Variants in TRIM39 observed in about 807,000 individuals in gnomAD.
TRIM39 encodes E3 ubiquitin-protein ligase TRIM39.
In TRIM39, 5 loss-of-function variants were observed where a neutral mutation model predicts 53.6. That is an observed-to-expected ratio of 0.09 (90% confidence interval 0.05 to 0.20). TRIM39 has a LOEUF of 0.20. TRIM39 is among the 10% of genes least tolerant of loss of function. The probability of loss-of-function intolerance (pLI) is 1.00; values close to 1 mark genes in which losing one functional copy is unlikely to be tolerated. For missense variants in TRIM39, 310 were observed against 621.0 expected, an observed-to-expected ratio of 0.50 and a Z score of 5.32; for synonymous variants, 196 against 237.6, an observed-to-expected ratio of 0.82 and a Z score of 1.61.
chr6:30,334,000 A>AAC (rs149092381), intron 4 of TRIM39, among the ~76,000 whole-genome samples: 7,173 of 152,252 alleles, frequency 0.047, 196 homozygotes, highest in Middle Eastern at 0.075. Flanking sequence ...CACATGTGCA[A>AAC]ACACACACAC....
chr6:30,329,295 C>T lies in TRIM39; in HGVS notation c.-7-16C>T, dbSNP rs886870099. 6.3e-7 allele frequency: 1 copy of T among 1,595,068 alleles called. No homozygotes were observed. Among genetic ancestry groups the T allele is most frequent in the African/African-American group, 1.4e-5 (1 of 73,900 alleles). The stretch of plus-strand genomic sequence containing the variant: ...TTAATATTTTTATTTTCTCTGTCCT[C>T]TTCCCCACTCCCAAGTTAAATTATG... On this transcript the variant is annotated splice_polypyrimidine_tract_variant and intron_variant, in intron 2 of 7. Transcript: ENST00000396551.
chr6:30,329,100 A>T (rs1011829255), intron 2 of TRIM39, 59 bp downstream of exon 2: 18 of 577,378 alleles, frequency 3.1e-5, no homozygotes, highest in Non-Finnish European at 4.7e-5. Context: ...AAGAAAAAAA[A>T]GGTTGATGGC....
chr6:30,342,363 T>A lies in TRIM39; in HGVS notation c.*104T>A. 1 of 1,230,524 alleles carries A rather than the reference T, an allele frequency of 8.1e-7. No individual in the cohort carries two copies. Among genetic ancestry groups the A allele is most frequent in the Non-Finnish European group, 1.1e-6 (1 of 869,906 alleles). 76.2% of individuals were successfully genotyped at this position (1,230,524 alleles called of 1,614,324 possible). ...CTTCGTGTCCACCTGGGTCCAGTCC[T>A]GAATCATCTTGGAGAAACACCTTGG... is the stretch of plus-strand genomic sequence containing the variant. On this transcript the variant is annotated 3_prime_UTR_variant, in exon 8 of 8. Transcript: ENST00000396551. The surrounding 1 kb of genome is among the most constrained non-coding windows in gnomAD (Gnocchi z 4.7).
At chr6:30,341,764 G>A in exon 8 of TRIM39, 1 of 1,612,986 alleles carries the variant, frequency 6.2e-7, no homozygotes, top group Non-Finnish European at 8.5e-7. Flanking sequence ...TCCTGTCAGA[G>A]GATCGTAAGA....
In TRIM39 at chr6:30,339,154, C is replaced by G. The variant is rs3129839; in HGVS notation, c.781-754C>G. Among the ~76,000 whole-genome samples, 7,440 of 151,362 alleles carry G rather than the reference C, an allele frequency of 0.049. 257 individuals carry two copies. The highest frequency in any genetic ancestry group is 0.1 in the Middle Eastern group (30 of 292). ...CACAGTTATTAATGTGTTTATTCTTCCTTTTTTTTTTTTCTGAGAGAGTCT... is the reference window on the plus strand; with the variant it reads ...CACAGTTATTAATGTGTTTATTCTTGCTTTTTTTTTTTTCTGAGAGAGTCT... On this transcript the variant is annotated intron_variant, in intron 5 of 7. Coordinates refer to ENST00000396551, the Ensembl canonical transcript of TRIM39. This position sits in a 1 kb window ranked among gnomAD's most constrained non-coding sequence, Gnocchi z 4.2.
chr6:30,329,662 C>A, exon 3 of TRIM39: 2 of 1,613,082 alleles, frequency 1.2e-6, no homozygotes, highest in Non-Finnish European at 8.5e-7. Flanking sequence ...AGGCCCTCAG[C>A]CTTTTCTGTT....
chr6:30,335,656 T>C lies in TRIM39; in HGVS notation c.550-89T>C. 1.4e-6 allele frequency: 2 copies of C among 1,454,722 alleles called. No individual in the cohort carries two copies. Among genetic ancestry groups the C allele is most frequent in the Non-Finnish European group, 1.8e-6 (2 of 1,088,138 alleles). The allele number at this position is 1,454,722 out of a possible 1,614,324, so 90.1% of individuals were successfully genotyped here. ...ACCATTTTCAATGAAACTGGAAGTC[T>C]GTGTTAATTCATACATATGGTGGGT... On this transcript the variant is annotated intron_variant, in intron 4 of 7. Coordinates refer to ENST00000396551, the Ensembl canonical transcript of TRIM39. This position sits in a 1 kb window ranked among gnomAD's most constrained non-coding sequence, Gnocchi z 4.7.
intron 1 of TRIM39, among the ~76,000 whole-genome samples, chr6:30,328,334 A>AT (rs554144508): frequency 6.6e-6 from 1 of 152,242 alleles, no homozygotes; most frequent in African/African-American, 2.4e-5. Context: ...GGTTGCCATA[A>AT]TTTATCAGTT....
chr6:30,329,102 G>C lies in TRIM39; in HGVS notation c.-8+61G>C, dbSNP rs958767219. On this transcript the variant is annotated intron_variant, in intron 2 of 7. Coordinates refer to ENST00000396551, the Ensembl canonical transcript of TRIM39. ...TCAGTTTACTAACAAGAAAAAAAAG[G>C]TTGATGGCTGGGAGTCACAAGTTTT... The C allele has an allele frequency of 2.9e-5, 17 of 587,408 alleles. No individual in the cohort carries two copies. In the Admixed American group the frequency reaches 6.1e-4, roughly 21 times the overall value. 36.4% of individuals were successfully genotyped at this position (587,408 alleles called of 1,614,324 possible).
chr6:30,341,048 A>C (rs1454208308), intron 7 of TRIM39, among the ~76,000 whole-genome samples: 1 of 152,064 alleles, frequency 6.6e-6, no homozygotes, highest in Non-Finnish European at 1.5e-5. Context: ...TCTCTACTAA[A>C]AATATAAAAA....
chr6:30,337,391 G>A (rs1423251537), intron 5 of TRIM39, among the ~76,000 whole-genome samples: 1 of 151,894 alleles, frequency 6.6e-6, no homozygotes, highest in Non-Finnish European at 1.5e-5. Flanking sequence ...GGTGACAAGA[G>A]TGAAACTCCA....
At chr6:30,329,201 G>A in intron 2 of TRIM39, 110 bp from the exon 3 acceptor site, 3 of 1,272,924 alleles carry the variant, frequency 2.4e-6, no homozygotes, top group Non-Finnish European at 3.2e-6. Context: ...CAAATCTGGA[G>A]TTAGGACTTA....
At chr6:30,329,851 G>A (rs1327779070) in intron 3 of TRIM39, 81 bp downstream of exon 3, 6 of 1,507,082 alleles carry the variant, frequency 4.0e-6, no homozygotes, top group East Asian at 2.3e-5. Flanking sequence ...GGTAGAGATC[G>A]TAAGCTCCTA....
chr6:30,334,682 A>G (rs1786642243), intron 4 of TRIM39, among the ~76,000 whole-genome samples: 1 of 152,152 alleles, frequency 6.6e-6, no homozygotes, highest in Non-Finnish European at 1.5e-5. Flanking sequence ...TATGCAAAGG[A>G]TGACAATCTT....
intron 1 of TRIM39, among the ~76,000 whole-genome samples, chr6:30,328,259 C>T (rs1220350887): frequency 2.0e-5 from 3 of 152,250 alleles, no homozygotes; most frequent in Non-Finnish European, 4.4e-5. Context: ...ATTCCAGTCA[C>T]TACAAATAGA....
chr6:30,330,625 A>G (rs1786030163), intron 3 of TRIM39, among the ~76,000 whole-genome samples, 156 bp from the exon 4 acceptor site: 1 of 152,226 alleles, frequency 6.6e-6, no homozygotes, highest in Non-Finnish European at 1.5e-5. Flanking sequence ...GAAAGTTGAC[A>G]TCCCAAATGA....
At chr6:30,340,449 G>T (rs1437047566) in intron 6 of TRIM39, 56 bp from the exon 7 acceptor site, 2 of 1,611,164 alleles carry the variant, frequency 1.2e-6, no homozygotes, top group Non-Finnish European at 1.7e-6. Flanking sequence ...TAGTCACTTG[G>T]CTGGAGCTTC....
intron 2 of TRIM39, 45 bp from the exon 3 acceptor site, chr6:30,329,266 C>T: frequency 6.5e-7 from 1 of 1,533,636 alleles, no homozygotes; most frequent in Non-Finnish European, 8.7e-7. Context: ...GAAAAAACCT[C>T]CAATTAATAT....
intron 4 of TRIM39, among the ~76,000 whole-genome samples, chr6:30,333,914 C>A (rs556464779): frequency 5.5e-4 from 84 of 152,184 alleles, no homozygotes; most frequent in African/African-American, 2.0e-3. Flanking sequence ...GAGGAAGGGC[C>A]TTTTTGCTTC....
Sources: gnomAD v4.1 joint callset for allele counts (sites outside exome capture counted in the v4.1 genomes callset) on GRCh38, gnomAD v4.1.1 for gene constraint, Gnocchi (gnomAD v3.1) non-coding constraint, MANE v1.5 for transcripts, NCBI Gene and HGNC (gene_info 2026-07-23, HGNC 2026-07-21) for gene names.